The following R3HDM1 variants were observed in gnomAD, a reference collection of about 807,000 sequenced individuals.
R3HDM1 encodes R3H domain-containing protein 1.
R3HDM1 carries 46 observed loss-of-function variants against 141.1 expected under a neutral mutation model. That is an observed-to-expected ratio of 0.33 (90% CI 0.26 to 0.42). The LOEUF (loss-of-function observed/expected upper bound fraction) is 0.42. Among genes scored for constraint, R3HDM1 ranks in the 10% least tolerant of loss-of-function variants. R3HDM1 has a pLI of 1.00. For synonymous variants in R3HDM1, 435 were observed against 472.9 expected (o/e 0.92, Z 1.04); for missense variants, 1,184 against 1,368.3 (o/e 0.87, Z 2.12).
At chr2:135,659,993 A>G (rs1026570990) in intron 18 of R3HDM1, among the ~76,000 whole-genome samples, 1 of 152,206 alleles carries the variant, frequency 6.6e-6, no homozygotes, top group African/African-American at 2.4e-5. Flanking sequence ...CCAAAATGTC[A>G]CTTTGTGATA....
At chr2:135,686,417 A>G (rs1405127481) in intron 21 of R3HDM1, among the ~76,000 whole-genome samples, 1 of 152,244 alleles carries the variant, frequency 6.6e-6, no homozygotes, top group African/African-American at 2.4e-5. Context: ...AAGATGTGGA[A>G]ACAACCTAAA....
At chr2:135,541,370 G>A (rs1160664714) in intron 1 of R3HDM1, among the ~76,000 whole-genome samples, 4 of 152,020 alleles carry the variant, frequency 2.6e-5, no homozygotes, top group African/African-American at 7.2e-5. Context: ...ACCATGCCCG[G>A]CTAATTTTTT....
chr2:135,616,172 A>G lies in R3HDM1; in HGVS notation c.192A>G (p.Gly64=). ...TTCAGCGGCCATTGCAGTCATTTGG[A>G]CAGACAGGAAAAAGGTCTAAGGTAT... ...IDLQRPLQSF[G]QTGKRSKSSS... is the part of the protein sequence containing the mutation. The change falls in exon 4 of 27, where the codon GGA becomes GGG. Residue 64 remains glycine, a synonymous_variant. Transcript: ENST00000683871. The G allele has an allele frequency of 6.2e-7, 1 of 1,613,286 alleles. No individual in the cohort carries two copies. The highest frequency in any genetic ancestry group is 8.5e-7 in the Non-Finnish European group (1 of 1,179,262).
At chr2:135,619,408 T>C (rs1574410642) in intron 5 of R3HDM1, among the ~76,000 whole-genome samples, 5 of 152,322 alleles carry the variant, frequency 3.3e-5, no homozygotes, top group Admixed American at 3.3e-4. Context: ...ATATACATTA[T>C]TGATCATAGA....
intron 3 of R3HDM1, among the ~76,000 whole-genome samples, chr2:135,611,851 A>G (rs1000213633): frequency 1.3e-5 from 2 of 152,226 alleles, no homozygotes; most frequent in Non-Finnish European, 2.9e-5. Context: ...TGTTGGCTAC[A>G]TCTTGTAGAT....
intron 21 of R3HDM1, among the ~76,000 whole-genome samples, chr2:135,683,469 G>A (rs1003145363): frequency 3.3e-5 from 5 of 150,270 alleles, no homozygotes; most frequent in Non-Finnish European, 5.9e-5. Flanking sequence ...CAGGAGAATC[G>A]CTTGAACCTG....
intron 4 of R3HDM1, among the ~76,000 whole-genome samples, chr2:135,616,419 A>G (rs1368631966): frequency 1.3e-5 from 2 of 152,024 alleles, no homozygotes; most frequent in Non-Finnish European, 1.5e-5. Context: ...CTTTCTCACC[A>G]TTTTTGGGGA....
intron 1 of R3HDM1, among the ~76,000 whole-genome samples, chr2:135,553,797 T>C (rs918314880): frequency 3.9e-5 from 6 of 152,162 alleles, no homozygotes; most frequent in African/African-American, 1.2e-4. Context: ...GTCAAGCTAT[T>C]CTCCTGCCTC....
At chr2:135,611,110 A>G (rs2060495602) in intron 3 of R3HDM1, among the ~76,000 whole-genome samples, 1 of 151,686 alleles carries the variant, frequency 6.6e-6, no homozygotes, top group Admixed American at 6.6e-5. Context: ...CCCTTAAAAA[A>G]AAATAAAATT....
rs564493380 is a variant in R3HDM1, at chr2:135,609,823, G to A, written c.171+4807G>A. ...TGAGGAAGGCTAAGGCAAGCGGATC[G>A]CTTGAGCTCGAATTCAAGACCAGCC... On this transcript the variant is annotated intron_variant, in intron 3 of 26. Transcript: ENST00000683871. Among the ~76,000 whole-genome samples the A allele has an allele frequency of 7.5e-4, 114 of 152,154 alleles. 1 individual carries two copies. Among genetic ancestry groups the A allele is most frequent in the African/African-American group, 2.1e-3 (88 of 41,516 alleles).
intron 1 of R3HDM1, among the ~76,000 whole-genome samples, chr2:135,560,300 C>G (rs769558538): frequency 2.6e-5 from 4 of 152,158 alleles, no homozygotes; most frequent in Non-Finnish European, 1.5e-5. Context: ...AAACATGAAG[C>G]ATTTTTACTT....
At chr2:135,705,007 T>C (rs1333062315) in intron 21 of R3HDM1, among the ~76,000 whole-genome samples, 1 of 152,204 alleles carries the variant, frequency 6.6e-6, no homozygotes, top group East Asian at 1.9e-4. Context: ...AGGGAATTAG[T>C]AGGTTAAAGG....
intron 14 of R3HDM1, among the ~76,000 whole-genome samples, chr2:135,641,277 CTG>C (rs1307160379): frequency 6.6e-6 from 1 of 152,090 alleles, no homozygotes; most frequent in African/African-American, 2.4e-5. Flanking sequence ...TTGTGGCTGT[CTG>C]TGGCTGGTGT....
intron 1 of R3HDM1, chr2:135,549,828 A>T (rs1363178835): frequency 2.7e-6 from 1 of 369,672 alleles, no homozygotes; most frequent in East Asian, 1.6e-4. Context: ...AGAGACAAAC[A>T]TTGTGAATAG....
intron 21 of R3HDM1, among the ~76,000 whole-genome samples, chr2:135,686,131 C>A (rs2071295761): frequency 6.6e-6 from 1 of 152,070 alleles, no homozygotes; most frequent in Admixed American, 6.5e-5. Flanking sequence ...TCACCTCACA[C>A]CTGTTAAAAT....
intron 7 of R3HDM1, among the ~76,000 whole-genome samples, chr2:135,630,017 A>G (rs1041688369): frequency 6.6e-6 from 1 of 151,810 alleles, no homozygotes; most frequent in Non-Finnish European, 1.5e-5. Flanking sequence ...AATTTGCAGT[A>G]GTAATTAACT....
intron 19 of R3HDM1, among the ~76,000 whole-genome samples, chr2:135,666,840 T>G (rs1325981302): frequency 2.6e-5 from 4 of 151,854 alleles, no homozygotes; most frequent in African/African-American, 9.7e-5. Flanking sequence ...AGCCCAAGAT[T>G]ATAAGCTTGA....
At chr2:135,545,184 G>T (rs1334750803) in intron 1 of R3HDM1, among the ~76,000 whole-genome samples, 1 of 152,130 alleles carries the variant, frequency 6.6e-6, no homozygotes, top group Non-Finnish European at 1.5e-5. Context: ...GCCCACCCAG[G>T]ACGTTATGGA....
intron 21 of R3HDM1, among the ~76,000 whole-genome samples, chr2:135,682,072 A>G (rs1041944652): frequency 6.7e-6 from 1 of 149,512 alleles, no homozygotes; most frequent in African/African-American, 2.5e-5. Context: ...TTTGGGATCT[A>G]GAATGCCAGT....
Sources: allele counts gnomAD v4.1 joint callset (sites outside exome capture counted in the v4.1 genomes callset), GRCh38; gene constraint gnomAD v4.1.1; transcripts MANE v1.5; gene names NCBI Gene and HGNC (gene_info 2026-07-23, HGNC 2026-07-21).